UBASH3B: variants seen among roughly 807,000 people sequenced by gnomAD.
The protein encoded by UBASH3B is ubiquitin-associated and SH3 domain-containing protein B.
A neutral mutation model predicts 83.4 loss-of-function variants in UBASH3B; 37 were observed. The observed-to-expected ratio is 0.44, with a 90% CI of 0.34 to 0.58. The LOEUF is 0.58. UBASH3B is among the 20% of genes least tolerant of loss of function. The pLI, the probability that UBASH3B is intolerant of heterozygous loss-of-function variation, is 0.01. For synonymous variants in UBASH3B, 304 were observed against 318.3 expected, an observed-to-expected ratio of 0.96 and a Z score of 0.48; for missense variants, 657 against 827.2, an observed-to-expected ratio of 0.79 and a Z score of 2.52.
At chr11:122,809,086 T>G (rs947101879) in intron 13 of UBASH3B, among the ~76,000 whole-genome samples, 9 of 152,032 alleles carry the variant, frequency 5.9e-5, no homozygotes, top group Non-Finnish European at 1.2e-4. Flanking sequence ...TTTTTTCTTT[T>G]TTTTTTGAGA....
intron 1 of UBASH3B, among the ~76,000 whole-genome samples, chr11:122,680,034 T>C (rs1863718083): frequency 6.6e-6 from 1 of 152,202 alleles, no homozygotes; most frequent in Admixed American, 6.5e-5. Flanking sequence ...TTTCACCATG[T>C]TGGCCAGGCT....
At chr11:122,746,156 C>A (rs1861114966) in intron 1 of UBASH3B, among the ~76,000 whole-genome samples, 2 of 152,188 alleles carry the variant, frequency 1.3e-5, no homozygotes, top group African/African-American at 2.4e-5. Context: ...TAGGACTGAG[C>A]TAAGGCCCAG....
intron 1 of UBASH3B, among the ~76,000 whole-genome samples, chr11:122,715,164 C>G (rs1044810846): frequency 3.4e-4 from 51 of 152,150 alleles, no homozygotes; most frequent in African/African-American, 1.2e-3. Flanking sequence ...CCAGGATGGT[C>G]TCGATCTCCT....
intron 11 of UBASH3B, 79 bp downstream of exon 11, chr11:122,801,411 G>A: frequency 6.5e-7 from 1 of 1,543,342 alleles, no homozygotes. Context: ...GTTCAGGAAG[G>A]AGCCAGGGCT....
intron 1 of UBASH3B, chr11:122,775,916 C>T (rs553263397): frequency 2.1e-5 from 6 of 291,496 alleles, no homozygotes; most frequent in Non-Finnish European, 3.8e-5. Context: ...AAAACCAAGA[C>T]ATGACAACCT....
At position 122,809,870 on chromosome 11, in the gene UBASH3B, C is replaced by A. The variant is rs765287884; in HGVS notation, c.1934C>A (p.Thr645Asn). The A allele has an allele frequency of 6.2e-7, 1 of 1,614,084 alleles. No individual in the cohort carries two copies. Among genetic ancestry groups the A allele is most frequent in the Non-Finnish European group, 8.5e-7 (1 of 1,180,004 alleles). ...GPTGGFNWRE[T>N]LLQE ...ACTGGGGGCTTCAACTGGAGAGAGACCTTGCTTCAAGAATAAACCACACCA... is the reference window on the plus strand; with the variant it reads ...ACTGGGGGCTTCAACTGGAGAGAGAACTTGCTTCAAGAATAAACCACACCA... The change falls in exon 14 of 14, where the codon ACC becomes AAC. Residue 645 changes from threonine (T) to asparagine (N), a missense_variant. Around this residue, in one of 3 missense-constraint regions of UBASH3B, gnomAD observed 573 missense variants for 739.0 expected, o/e 0.78. Coordinates refer to ENST00000284273, the MANE Select transcript of UBASH3B (RefSeq NM_032873.5).
At chr11:122,797,310 GTCAGCTTCTAGT>G in intron 9 of UBASH3B, 1 of 284,770 alleles carries the variant, frequency 3.5e-6, no homozygotes, top group East Asian at 7.8e-5. Flanking sequence ...TAGCAGACAG[GTCAGCTTCTAGT>G]TCAAGACAGC....
chr11:122,807,292 C>G (rs995122085), intron 12 of UBASH3B, among the ~76,000 whole-genome samples: 1 of 152,190 alleles, frequency 6.6e-6, no homozygotes, highest in African/African-American at 2.4e-5. Context: ...AGTCCTGTAT[C>G]TTGATTGTCA....
rs189814089 is a variant in UBASH3B, at chr11:122,758,006, G to A, written c.162-18213G>A. Among the ~76,000 whole-genome samples the A allele has an allele frequency of 1.3e-5, 2 of 152,174 alleles. No individual in the cohort carries two copies. The highest frequency in any genetic ancestry group is 1.5e-5 in the Non-Finnish European group (1 of 67,996). On this transcript the variant is annotated intron_variant, in intron 1 of 13. Transcript: ENST00000284273. This position sits in a 1 kb window ranked among gnomAD's most constrained non-coding sequence, Gnocchi z 4.2. ...CAGGCGTGAGCCACCGCACCAGGCC[G>A]ACAAGACCTTCTTTAAACACTCAAC...
At chr11:122,656,829 G>A (rs1181217786) in intron 1 of UBASH3B, among the ~76,000 whole-genome samples, 2 of 152,260 alleles carry the variant, frequency 1.3e-5, no homozygotes, top group Non-Finnish European at 2.9e-5. Context: ...AGGGGACCTG[G>A]GTTCTCGTCA....
intron 1 of UBASH3B, among the ~76,000 whole-genome samples, chr11:122,701,569 AC>A: frequency 6.6e-6 from 1 of 152,228 alleles, no homozygotes; most frequent in East Asian, 1.9e-4. Flanking sequence ...CTCCATGGTG[AC>A]GCAGAGGTCT....
chr11:122,770,712 C>T (rs1461946651), intron 1 of UBASH3B, among the ~76,000 whole-genome samples: 1 of 151,546 alleles, frequency 6.6e-6, no homozygotes, highest in Non-Finnish European at 1.5e-5. Context: ...CCAGCCCCAA[C>T]TTGTTTCTAC....
chr11:122,691,833 GT>G (rs533082970), intron 1 of UBASH3B, among the ~76,000 whole-genome samples: 468 of 152,286 alleles, frequency 3.1e-3, no homozygotes, highest in African/African-American at 1.0e-2. Context: ...TTGTGACGGG[GT>G]TCTGTGTTTT....
intron 8 of UBASH3B, among the ~76,000 whole-genome samples, chr11:122,796,493 G>A (rs1300854203): frequency 6.6e-6 from 1 of 152,170 alleles, no homozygotes; most frequent in South Asian, 2.1e-4. Flanking sequence ...GACCAAAGAA[G>A]ACAGATGTCT....
At chr11:122,797,246 T>C (rs1258672504) in intron 9 of UBASH3B, 3 of 517,044 alleles carry the variant, frequency 5.8e-6, no homozygotes, top group South Asian at 5.2e-5. Context: ...GTGGTCCTTA[T>C]TGAGGAGCAC....
intron 1 of UBASH3B, among the ~76,000 whole-genome samples, chr11:122,764,023 A>C (rs1860490218): frequency 6.6e-6 from 1 of 152,228 alleles, no homozygotes; most frequent in South Asian, 2.1e-4. Flanking sequence ...CTTATTATGT[A>C]GGAAAGAGTG....
At chr11:122,755,145 C>A (rs1033547328) in intron 1 of UBASH3B, among the ~76,000 whole-genome samples, 1 of 152,072 alleles carries the variant, frequency 6.6e-6, no homozygotes, top group Non-Finnish European at 1.5e-5. Flanking sequence ...GCTGAATAAT[C>A]TCTGTGTGGG....
chr11:122,672,986 T>A (rs1591762777), intron 1 of UBASH3B, among the ~76,000 whole-genome samples: 1 of 152,222 alleles, frequency 6.6e-6, no homozygotes, highest in African/African-American at 2.4e-5. Flanking sequence ...ACCCCAGGGC[T>A]GAGGGGATGT....
At chr11:122,767,734 C>G (rs1415549220) in intron 1 of UBASH3B, among the ~76,000 whole-genome samples, 1 of 152,156 alleles carries the variant, frequency 6.6e-6, no homozygotes, top group Admixed American at 6.5e-5. Context: ...AGGAGATTTT[C>G]AAAGCTCTGA....
Sources: gnomAD v4.1 joint callset for allele counts (sites outside exome capture counted in the v4.1 genomes callset) on GRCh38, gnomAD v4.1.1 for gene constraint, gnomAD v4.1.1 regional missense constraint, Gnocchi (gnomAD v3.1) non-coding constraint, MANE v1.5 for transcripts, NCBI Gene and HGNC (gene_info 2026-07-23, HGNC 2026-07-21) for gene names.